PRKD3: variants seen among roughly 807,000 people sequenced by gnomAD.
PRKD3 encodes protein kinase D3, also known as serine/threonine-protein kinase D3.
A neutral mutation model predicts 99.2 loss-of-function variants in PRKD3; 47 were observed. That is an observed-to-expected ratio of 0.47 (90% CI 0.38 to 0.60). The LOEUF (loss-of-function observed/expected upper bound fraction) is 0.60. Among genes scored for constraint, PRKD3 ranks in the 20% least tolerant of loss-of-function variants. The pLI is 0.00. For missense variants in PRKD3, 1,019 were observed against 1,088.4 expected, an observed-to-expected ratio of 0.94 and a Z score of 0.90; for synonymous variants, 392 against 355.4, an observed-to-expected ratio of 1.10 and a Z score of -1.16.
intron 1 of PRKD3, 189 bp downstream of exon 1, chr2:37,324,492 C>A (rs1167157752): frequency 1.3e-5 from 2 of 150,760 alleles, no homozygotes; most frequent in Non-Finnish European, 3.0e-5. Flanking sequence ...CGGCTGACAC[C>A]GCCCAGCCCG....
At chr2:37,306,292 T>C (rs1193955410) in intron 2 of PRKD3, among the ~76,000 whole-genome samples, 2 of 152,194 alleles carry the variant, frequency 1.3e-5, no homozygotes, top group Admixed American at 6.5e-5. Context: ...CTGCTCAGAT[T>C]TGTCTGCCTT....
chr2:37,259,771 A>G (rs1467108094), intron 15 of PRKD3, 90 bp from the exon 16 acceptor site: 2 of 870,134 alleles, frequency 2.3e-6, no homozygotes, highest in African/African-American at 1.7e-5. Flanking sequence ...TGAAAACTCC[A>G]CTATAGTTCA....
At chr2:37,269,810 G>A (rs1311641092) in intron 12 of PRKD3, 123 bp from the exon 13 acceptor site, 1 of 698,690 alleles carries the variant, frequency 1.4e-6, no homozygotes, top group Non-Finnish European at 2.3e-6. Flanking sequence ...TTTCCATAAA[G>A]TGCAAACTAT....
At chr2:37,280,738 C>A (rs1450745209) in intron 7 of PRKD3, among the ~76,000 whole-genome samples, 1 of 151,924 alleles carries the variant, frequency 6.6e-6, no homozygotes, top group Non-Finnish European at 1.5e-5. Context: ...AGATAAGTGA[C>A]AACATAAATA....
At chr2:37,322,830 G>T (rs1247770391) in intron 1 of PRKD3, among the ~76,000 whole-genome samples, 1 of 152,130 alleles carries the variant, frequency 6.6e-6, no homozygotes, top group African/African-American at 2.4e-5. Context: ...AATCATCACA[G>T]AAGATTGTGA....
chr2:37,316,106 A>C, intron 2 of PRKD3, 131 bp downstream of exon 2: 1 of 945,376 alleles, frequency 1.1e-6, no homozygotes, highest in Non-Finnish European at 1.6e-6. Flanking sequence ...AGAGGTCATT[A>C]GAACTCTTCC....
chr2:37,303,093 TTGAC>T (rs1671009239), intron 2 of PRKD3, among the ~76,000 whole-genome samples: 1 of 152,134 alleles, frequency 6.6e-6, no homozygotes, highest in Admixed American at 6.5e-5. Flanking sequence ...GAGAAGCAGC[TTGAC>T]TGGAGAGAGG....
chr2:37,310,634 A>G (rs144166369), intron 2 of PRKD3, among the ~76,000 whole-genome samples: 2 of 152,354 alleles, frequency 1.3e-5, no homozygotes, highest in East Asian at 3.9e-4. Flanking sequence ...TCAAGAAAAG[A>G]GACAATTACA....
chr2:37,284,989 T>C (rs1670025887), intron 6 of PRKD3, among the ~76,000 whole-genome samples: 2 of 152,174 alleles, frequency 1.3e-5, no homozygotes, highest in Non-Finnish European at 2.9e-5. Context: ...TATACAATTA[T>C]CTTACTCTGT....
rs937584990 is a variant in PRKD3 at position 37,275,752 on chromosome 2, G to A, written c.1374+15C>T. ...TATCTTAATGCTTATATTTTTTAAA[G>A]TGTAAAATCCTTACCTTATAATACT... On this transcript the variant is annotated intron_variant, in intron 10 of 18. Coordinates refer to ENST00000234179, the MANE Select transcript of PRKD3 (RefSeq NM_005813.6). 1.9e-5 allele frequency: 30 copies of A among 1,583,074 alleles called. No individual in the cohort carries two copies. The highest frequency in any genetic ancestry group is 2.6e-5 in the Non-Finnish European group (30 of 1,168,710).
chr2:37,256,634 T>TAA (rs1667969631), intron 17 of PRKD3, 28 bp downstream of exon 17: 1 of 414,942 alleles, frequency 2.4e-6, no homozygotes. Flanking sequence ...CAAAATTTTT[T>TAA]TTTTTTTTTT....
At chr2:37,303,197 G>T (rs563230819) in intron 2 of PRKD3, among the ~76,000 whole-genome samples, 1 of 151,992 alleles carries the variant, frequency 6.6e-6, no homozygotes, top group East Asian at 1.9e-4. Context: ...TTACCTGCCC[G>T]TCCCGTCCCC....
At chr2:37,258,493 C>G (rs1485310653) in intron 16 of PRKD3, among the ~76,000 whole-genome samples, 1 of 152,196 alleles carries the variant, frequency 6.6e-6, no homozygotes, top group Non-Finnish European at 1.5e-5. Flanking sequence ...AAGTAAATCA[C>G]ATTATTTTCC....
chr2:37,252,847 T>TTATATTTATATA lies in PRKD3; in HGVS notation c.*329_*330insTATATAAATATA, dbSNP rs1553362997. 4.1e-5 allele frequency: 6 copies of TTATATTTATATA among 145,014 alleles called. No homozygotes were observed. The highest frequency in any genetic ancestry group is 2.2e-4 in the South Asian group (1 of 4,578). 9.0% of individuals were successfully genotyped at this position (145,014 alleles called of 1,614,324 possible). A position where few individuals can be genotyped will look rare whatever the true frequency, so the allele number is the denominator to read the frequency against. ...AAAACAAACAAACATATATTTATAT[T>TTATATTTATATA]TATATATATATATATAAAGAGAAAT... is the stretch of plus-strand genomic sequence containing the variant. On this transcript the variant is annotated 3_prime_UTR_variant, in exon 19 of 19. Transcript: ENST00000234179.
At position 37,251,520 on chromosome 2, in the gene PRKD3, T is replaced by G. The variant is rs1463850714; in HGVS notation, c.*1657A>C. On this transcript the variant is annotated 3_prime_UTR_variant, in exon 19 of 19. Coordinates refer to ENST00000234179, the MANE Select transcript of PRKD3 (RefSeq NM_005813.6). Reference sequence around the variant, plus strand: ...GAACACAGGAGTACTGCATACTGTTTGCTACTATTCTTTCAAGGATATTTT... The same window carrying G: ...GAACACAGGAGTACTGCATACTGTTGGCTACTATTCTTTCAAGGATATTTT... 1 of 152,498 alleles carries G rather than the reference T, an allele frequency of 6.6e-6. No individual in the cohort carries two copies. Among genetic ancestry groups the G allele is most frequent in the African/African-American group, 2.4e-5 (1 of 41,398 alleles). The allele number at this position is 152,498 out of a possible 1,614,324, so 9.4% of individuals were successfully genotyped here. A position where few individuals can be genotyped will look rare whatever the true frequency, so the allele number is the denominator to read the frequency against.
chr2:37,317,874 G>GTGTGGC, intron 1 of PRKD3: 1 of 152,198 alleles, frequency 6.6e-6, no homozygotes, highest in East Asian at 1.9e-4. Context: ...ATTTGGGGTG[G>GTGTGGC]TGTGGCTGTA....
At chr2:37,255,925 G>A (rs1230404142) in intron 17 of PRKD3, among the ~76,000 whole-genome samples, 2 of 152,236 alleles carry the variant, frequency 1.3e-5, no homozygotes, top group East Asian at 1.9e-4. Flanking sequence ...GAGGTGGGAG[G>A]ATCACTTGAG....
chr2:37,300,613 G>C (rs1211825099), intron 2 of PRKD3, among the ~76,000 whole-genome samples: 1 of 152,154 alleles, frequency 6.6e-6, no homozygotes, highest in Non-Finnish European at 1.5e-5. Context: ...TGCATTGTAT[G>C]CTTGTATCAA....
At chr2:37,292,693 G>C (rs907847196) in intron 3 of PRKD3, among the ~76,000 whole-genome samples, 1 of 151,198 alleles carries the variant, frequency 6.6e-6, no homozygotes, top group African/African-American at 2.4e-5. Context: ...TTGTCCAGGC[G>C]GAAGTGCAGT....
Sources: allele counts gnomAD v4.1 joint callset (sites outside exome capture counted in the v4.1 genomes callset), GRCh38; gene constraint gnomAD v4.1.1; transcripts MANE v1.5; gene names NCBI Gene and HGNC (gene_info 2026-07-23, HGNC 2026-07-21).